EVL: variants seen among roughly 807,000 people sequenced by gnomAD.
The protein encoded by EVL is Enah/Vasp-like, also known as ena/VASP-like protein.
A neutral mutation model predicts 59.6 loss-of-function variants in EVL; 21 were observed. The observed-to-expected ratio is 0.35, with a 90% CI of 0.25 to 0.51. The LOEUF is 0.51. Among genes scored for constraint, EVL ranks in the 20% least tolerant of loss-of-function variants. EVL has a pLI of 0.97. For missense variants in EVL, 462 were observed against 546.6 expected, an observed-to-expected ratio of 0.85 and a Z score of 1.54; for synonymous variants, 198 against 203.5, an observed-to-expected ratio of 0.97 and a Z score of 0.23.
At chr14:100,085,604 A>G (rs2062423248) in intron 2 of EVL, among the ~76,000 whole-genome samples, 1 of 152,226 alleles carries the variant, frequency 6.6e-6, no homozygotes, top group Non-Finnish European at 1.5e-5. Context: ...GTCTATATAA[A>G]CAGCATCTTG....
intron 1 of EVL, among the ~76,000 whole-genome samples, chr14:100,022,590 G>A (rs1432330707): frequency 3.3e-5 from 5 of 151,962 alleles, no homozygotes; most frequent in Non-Finnish European, 4.4e-5. Context: ...GGCCACATTC[G>A]TTTTTAAAAG....
rs1012595556 is a variant in EVL at position 100,114,214 on chromosome 14, C to T, written c.359-9325C>T. ...CCTTACTTCTGTGAGCGGGTGCCAA[C>T]TTGGTTTTCCCATACCAAAGTTTGG... On this transcript the variant is annotated intron_variant, in intron 3 of 13. Transcript: ENST00000392920. This position sits in a 1 kb window ranked among gnomAD's most constrained non-coding sequence, Gnocchi z 5.0. Among the ~76,000 whole-genome samples, 10 of 151,948 alleles carry T rather than the reference C, an allele frequency of 6.6e-5. No homozygotes were observed. Among genetic ancestry groups the T allele is most frequent in the African/African-American group, 2.4e-4 (10 of 41,362 alleles).
intron 1 of EVL, chr14:100,019,765 A>G (rs995960771): frequency 7.2e-7 from 1 of 1,383,900 alleles, no homozygotes; most frequent in African/African-American, 1.4e-5. Context: ...ATGACAGCTT[A>G]GGCTCTGGCT....
chr14:100,128,021 C>T (rs1888188983), intron 5 of EVL, among the ~76,000 whole-genome samples: 1 of 152,218 alleles, frequency 6.6e-6, no homozygotes, highest in African/African-American at 2.4e-5. Context: ...TGCTGGAGCC[C>T]AGCACTCGGC....
intron 1 of EVL, among the ~76,000 whole-genome samples, chr14:100,082,171 C>T (rs185240767): frequency 3.3e-5 from 5 of 151,208 alleles, no homozygotes; most frequent in African/African-American, 4.9e-5. Context: ...CTCCCCTGTC[C>T]CCCCCTCCCC....
At chr14:100,006,527 TC>T (rs1490877123) in intron 1 of EVL, among the ~76,000 whole-genome samples, 1 of 152,024 alleles carries the variant, frequency 6.6e-6, no homozygotes, top group Non-Finnish European at 1.5e-5. Flanking sequence ...CCTCAAGTGA[TC>T]CACCCGCCTT....
intron 1 of EVL, among the ~76,000 whole-genome samples, chr14:99,979,297 A>G (rs1045851124): frequency 2.0e-5 from 3 of 152,042 alleles, no homozygotes; most frequent in Non-Finnish European, 2.9e-5. Context: ...TTCTGCTTAT[A>G]TATTCGAGTC....
intron 1 of EVL, among the ~76,000 whole-genome samples, chr14:99,991,960 C>CTGTGTGTGTGTGTGTGTGTGTGTG (rs58443751): frequency 9.7e-5 from 14 of 144,234 alleles, no homozygotes; most frequent in African/African-American, 3.4e-4. Flanking sequence ...AGGGTCAACT[C>CTGTGTGTGTGTGTGTGTGTGTGTG]TGTGTGTGTG....
chr14:100,118,934 C>G (rs1284979527), intron 3 of EVL, among the ~76,000 whole-genome samples: 3 of 152,256 alleles, frequency 2.0e-5, no homozygotes, highest in Non-Finnish European at 4.4e-5. Context: ...CAAGAATCAT[C>G]ACAGTCCAGC....
At chr14:100,131,802 A>T (rs1299361997) in intron 7 of EVL, among the ~76,000 whole-genome samples, 3 of 152,184 alleles carry the variant, frequency 2.0e-5, no homozygotes, top group Admixed American at 6.5e-5. Context: ...CCAGGCTGAC[A>T]GTTATAAGAA....
Position 99,973,262 on chromosome 14 carries a change from T to A in EVL, c.5+1205T>A, listed in dbSNP as rs117390362. Among the ~76,000 whole-genome samples, 415 of 152,288 alleles carry A rather than the reference T, an allele frequency of 2.7e-3. 14 individuals are homozygous for A. In the East Asian group the frequency reaches 0.049, roughly 18 times the overall value. On this transcript the variant is annotated intron_variant, in intron 1 of 13. Coordinates refer to the EVL transcript ENST00000402714. ...ATTCTTACCAAAAAATGTGTGAGAG[T>A]TCTTGTTGCTTCACCTCCTTCTCAA...
intron 3 of EVL, among the ~76,000 whole-genome samples, chr14:100,105,772 G>A (rs1245645094): frequency 6.6e-6 from 1 of 152,060 alleles, no homozygotes; most frequent in Non-Finnish European, 1.5e-5. Context: ...CCTAGCACAA[G>A]CAGGAAGGGC....
At chr14:100,031,786 G>T (rs909792516) in intron 1 of EVL, among the ~76,000 whole-genome samples, 1 of 152,202 alleles carries the variant, frequency 6.6e-6, no homozygotes, top group Admixed American at 6.5e-5. Flanking sequence ...TCATCAGCAC[G>T]AGTGCTAGAA....
intron 1 of EVL, among the ~76,000 whole-genome samples, chr14:99,979,231 TA>T (rs796797003): frequency 6.1e-5 from 9 of 147,002 alleles, no homozygotes; most frequent in Admixed American, 6.8e-5. Context: ...CTGCAGTTGC[TA>T]AAAAAAAAAC....
At chr14:99,993,559 T>C (rs938925549) in intron 1 of EVL, among the ~76,000 whole-genome samples, 1 of 152,154 alleles carries the variant, frequency 6.6e-6, no homozygotes, top group Non-Finnish European at 1.5e-5. Flanking sequence ...TGAGGATTGA[T>C]GTTAATTCTT....
intron 1 of EVL, chr14:100,019,690 A>T (rs1189843155): frequency 6.5e-7 from 1 of 1,533,176 alleles, no homozygotes; most frequent in African/African-American, 1.4e-5. Flanking sequence ...GAATTCAGGT[A>T]TGTTCTGGGC....
intron 1 of EVL, among the ~76,000 whole-genome samples, chr14:100,002,786 A>G (rs1005226123): frequency 2.0e-5 from 3 of 152,250 alleles, no homozygotes; most frequent in Non-Finnish European, 4.4e-5. Flanking sequence ...TCATTTAACT[A>G]AAGTGATAAC....
rs8018318 is a variant in EVL, at chr14:100,071,091, C to T, written c.11+5580C>T. ...CACAGAGTAATGGAGACCAGCTGTC[C>T]AGGCATCTGAGAGGGTGACATCCAA... On this transcript the variant is annotated intron_variant, in intron 1 of 13. Coordinates refer to ENST00000392920, the MANE Select transcript of EVL (RefSeq NM_016337.3). Among the ~76,000 whole-genome samples the T allele has an allele frequency of 3.2e-3, 490 of 152,164 alleles. 1 individual carries two copies. The highest frequency in any genetic ancestry group is 0.012 in the African/African-American group (484 of 41,502).
chr14:100,027,874 C>T (rs2140212320), intron 1 of EVL, among the ~76,000 whole-genome samples: 1 of 152,242 alleles, frequency 6.6e-6, no homozygotes, highest in East Asian at 1.9e-4. Context: ...AGGGTTCCCA[C>T]ATGTTGGCCA....
Sources: gnomAD v4.1 joint callset for allele counts (sites outside exome capture counted in the v4.1 genomes callset) on GRCh38, gnomAD v4.1.1 for gene constraint, Gnocchi (gnomAD v3.1) non-coding constraint, MANE v1.5 for transcripts, NCBI Gene and HGNC (gene_info 2026-07-23, HGNC 2026-07-21) for gene names.